Variants in QTMAN observed in about 807,000 individuals in gnomAD.
The protein encoded by QTMAN is tRNA-queuosine alpha-mannosyltransferase.
chr2:144,231,892 GT>G, the QTMAN span, among the ~76,000 whole-genome samples: 3 of 132,566 alleles, frequency 2.3e-5, no homozygotes, highest in East Asian at 7.4e-4. Context: ...GTGTGTGTGT[GT>G]TATCTTTACT....
At chr2:144,065,780 G>GC in the QTMAN span, among the ~76,000 whole-genome samples, 1 of 84,246 alleles carries the variant, frequency 1.2e-5, no homozygotes, top group Non-Finnish European at 2.4e-5. Flanking sequence ...TTTTTTTTTT[G>GC]CAAGACTTCT....
the QTMAN span, among the ~76,000 whole-genome samples, chr2:144,091,658 T>C: frequency 6.6e-6 from 1 of 152,184 alleles, no homozygotes; most frequent in East Asian, 1.9e-4. Context: ...ATCTACCATA[T>C]GATCCCGCTA....
At chr2:144,088,546 C>T in the QTMAN span, among the ~76,000 whole-genome samples, 2 of 152,010 alleles carry the variant, frequency 1.3e-5, no homozygotes, top group African/African-American at 4.8e-5. Context: ...AAGCTGGTGG[C>T]ATCACACTAT....
At chr2:144,082,459 T>TG in the QTMAN span, among the ~76,000 whole-genome samples, 2 of 152,000 alleles carry the variant, frequency 1.3e-5, no homozygotes, top group African/African-American at 4.8e-5. Flanking sequence ...ATCAAAGCAC[T>TG]GGGGGGAAGG....
chr2:144,159,779 A>G, the QTMAN span, among the ~76,000 whole-genome samples: 59 of 152,126 alleles, frequency 3.9e-4, no homozygotes, highest in Admixed American at 1.6e-3. Context: ...ACTCAATTTG[A>G]AAACAAAAAG....
the QTMAN span, among the ~76,000 whole-genome samples, chr2:144,130,807 CTCTG>C: frequency 6.6e-6 from 1 of 151,816 alleles, no homozygotes; most frequent in Admixed American, 6.6e-5. Flanking sequence ...ATTGAAACAG[CTCTG>C]TCTGACATCA....
the QTMAN span, among the ~76,000 whole-genome samples, chr2:143,976,391 A>C: frequency 3.3e-5 from 5 of 152,304 alleles, no homozygotes; most frequent in Non-Finnish European, 5.9e-5. Flanking sequence ...AAATTTCTTC[A>C]CCTTTCTAAT....
the QTMAN span, among the ~76,000 whole-genome samples, chr2:144,001,962 A>G: frequency 1.3e-5 from 2 of 151,890 alleles, no homozygotes; most frequent in Admixed American, 1.3e-4. Context: ...AGTAGTCTGA[A>G]TTCCTGGGTG....
chr2:144,182,510 G>A, the QTMAN span, among the ~76,000 whole-genome samples: 7 of 151,058 alleles, frequency 4.6e-5, no homozygotes, highest in Admixed American at 2.0e-4. Context: ...CAGGCATGGC[G>A]GTGCACATCT....
the QTMAN span, among the ~76,000 whole-genome samples, chr2:144,010,347 A>G: frequency 6.6e-6 from 1 of 152,276 alleles, no homozygotes; most frequent in East Asian, 1.9e-4. Context: ...TGTTAAGACA[A>G]GTTGCAGATG....
the QTMAN span, among the ~76,000 whole-genome samples, chr2:144,189,135 G>T: frequency 6.6e-6 from 1 of 152,096 alleles, no homozygotes; most frequent in South Asian, 2.1e-4. Flanking sequence ...GACCTGCAGG[G>T]TACATATATG....
At chr2:144,127,997 C>G in the QTMAN span, 2 of 152,042 alleles carry the variant, frequency 1.3e-5, no homozygotes, top group African/African-American at 2.4e-5. Context: ...GAAGGATTCA[C>G]CTGATAGCCA....
chr2:144,300,216 A>T, the QTMAN span, among the ~76,000 whole-genome samples: 1 of 152,206 alleles, frequency 6.6e-6, no homozygotes, highest in South Asian at 2.1e-4. Flanking sequence ...GAATGTACCT[A>T]ATGCCACTGA....
At chr2:144,251,267 T>C in the QTMAN span, among the ~76,000 whole-genome samples, 5 of 152,208 alleles carry the variant, frequency 3.3e-5, no homozygotes, top group Non-Finnish European at 7.3e-5. Flanking sequence ...CTTAGTTTAC[T>C]AATTATTATT....
At chr2:144,211,212 G>C in the QTMAN span, 1 of 152,184 alleles carries the variant, frequency 6.6e-6, no homozygotes, top group African/African-American at 2.4e-5. Flanking sequence ...TCAGTAGGCA[G>C]AACTGAACAC....
chr2:144,251,915 G>A, the QTMAN span, among the ~76,000 whole-genome samples: 1 of 152,130 alleles, frequency 6.6e-6, no homozygotes, highest in Non-Finnish European at 1.5e-5. Context: ...AATGGGCAAG[G>A]CCAGGTGCAC....
At chr2:144,121,094 G>A in the QTMAN span, among the ~76,000 whole-genome samples, 1 of 152,122 alleles carries the variant, frequency 6.6e-6, no homozygotes, top group Non-Finnish European at 1.5e-5. Flanking sequence ...GGCCAATGGG[G>A]ATGGCACTAT....
the QTMAN span, among the ~76,000 whole-genome samples, chr2:144,089,158 A>C: frequency 6.6e-6 from 1 of 152,094 alleles, no homozygotes; most frequent in African/African-American, 2.4e-5. Flanking sequence ...AAAGGACATG[A>C]GTAGACATTT....
the QTMAN span, among the ~76,000 whole-genome samples, chr2:144,314,656 T>A: frequency 1.3e-5 from 2 of 152,098 alleles, no homozygotes; most frequent in African/African-American, 4.8e-5. Context: ...AAGCTTGCAG[T>A]GAGTGGAGAT....
Sources: gnomAD v4.1 joint callset for allele counts (sites outside exome capture counted in the v4.1 genomes callset) on GRCh38, gnomAD v4.1.1 for gene constraint, MANE v1.5 for transcripts, NCBI Gene and HGNC (gene_info 2026-07-23, HGNC 2026-07-21) for gene names.